USP25: variants seen among roughly 807,000 people sequenced by gnomAD.
USP25 encodes the protein ubiquitin carboxyl-terminal hydrolase 25.
A neutral mutation model predicts 158.5 loss-of-function variants in USP25; 85 were observed. That is an observed-to-expected ratio of 0.54 (90% CI 0.45 to 0.64). The LOEUF is 0.64. Ranked by LOEUF, USP25 falls within the 30% of genes least tolerant of loss-of-function variation. The pLI, the probability that USP25 is intolerant of heterozygous loss-of-function variation, is 0.00. For synonymous variants in USP25, 464 were observed against 460.4 expected, an observed-to-expected ratio of 1.01 and a Z score of -0.10; for missense variants, 1,242 against 1,327.3, an observed-to-expected ratio of 0.94 and a Z score of 1.00.
chr21:15,736,132 C>T (rs2031492573), intron 1 of USP25, among the ~76,000 whole-genome samples: 1 of 151,334 alleles, frequency 6.6e-6, no homozygotes, highest in African/African-American at 2.4e-5. Context: ...GGGTTTTGCT[C>T]TCTCACCCAA....
At chr21:15,853,764 G>A (rs1398318080) in intron 20 of USP25, among the ~76,000 whole-genome samples, 1 of 151,826 alleles carries the variant, frequency 6.6e-6, no homozygotes, top group East Asian at 1.9e-4. Flanking sequence ...GGTTATGTTA[G>A]CTTTGGTAAA....
chr21:15,767,911 A>G (rs1253194855), intron 3 of USP25, among the ~76,000 whole-genome samples: 1 of 152,126 alleles, frequency 6.6e-6, no homozygotes, highest in Non-Finnish European at 1.5e-5. Flanking sequence ...CATAAGGCAA[A>G]TGGTTACACC....
Position 15,827,138 on chromosome 21 carries a change from A to G in USP25, c.1628A>G (p.Glu543Gly). 1 of 1,614,228 alleles carries G rather than the reference A, an allele frequency of 6.2e-7. No individual in the cohort carries two copies. Among genetic ancestry groups the G allele is most frequent in the Non-Finnish European group, 8.5e-7 (1 of 1,180,038 alleles). ...MHPAPRHITE[E>G]ELSVLESCLH... is the part of the protein sequence containing the mutation. Reference sequence around the variant, plus strand: ...CCGGCACCAAGGCACATAACGGAGGAAGAACTTTCTGTGCTGGAAAGTTGT... The same window carrying G: ...CCGGCACCAAGGCACATAACGGAGGGAGAACTTTCTGTGCTGGAAAGTTGT... The change falls in exon 14 of 26, where the codon GAA (glutamate) becomes GGA (glycine). Residue 543 changes from glutamate (E) to glycine (G), a missense_variant. Glu to Gly is a moderately conservative substitution (Grantham distance 98). Transcript: ENST00000400183.
chr21:15,778,063 C>G (rs747071699), intron 4 of USP25, 36 bp downstream of exon 4: 8 of 1,500,360 alleles, frequency 5.3e-6, no homozygotes, highest in Non-Finnish European at 7.1e-6. Context: ...GATATAAGTA[C>G]TTTTAAAAAT....
At chr21:15,759,433 C>T (rs201946647) in intron 1 of USP25, among the ~76,000 whole-genome samples, 5,796 of 152,222 alleles carry the variant, frequency 0.038, 157 homozygotes, top group Middle Eastern at 0.13. Flanking sequence ...TGCTTTTATA[C>T]ATTTTAAGGA....
At chr21:15,863,190 G>T (rs112911185) in intron 20 of USP25, among the ~76,000 whole-genome samples, 1 of 151,578 alleles carries the variant, frequency 6.6e-6, no homozygotes, top group Non-Finnish European at 1.5e-5. Context: ...ATTTCTATAT[G>T]GTCAGATATT....
At chr21:15,742,312 ATGTGCTGGGGAGGGG>A (rs1391704974) in intron 1 of USP25, among the ~76,000 whole-genome samples, 4 of 152,048 alleles carry the variant, frequency 2.6e-5, no homozygotes, top group African/African-American at 9.7e-5. Context: ...AGTGGGATAG[ATGTGCTGGGGAGGGG>A]TGTGCAGAGA....
chr21:15,878,415 CTG>C lies in USP25; in HGVS notation c.3321_3322del (p.Cys1107Ter), dbSNP rs1294988955. On this transcript the variant is annotated frameshift_variant, in exon 26 of 26. Transcript: ENST00000400183. LOFTEE classifies it high-confidence loss of function. ...KLPSYSTHEL[C>X]ERFARIMLSL... ...TACCTTCATATTCCACGCATGAACT[CTG>C]TGAGCGATTTGCCCGAATCATGTTG... The C allele has an allele frequency of 1.2e-6, 2 of 1,613,954 alleles. No homozygotes were observed. The highest frequency in any genetic ancestry group is 1.7e-6 in the Non-Finnish European group (2 of 1,179,964).
intron 20 of USP25, among the ~76,000 whole-genome samples, chr21:15,854,693 A>T (rs1246697592): frequency 1.3e-5 from 2 of 152,206 alleles, no homozygotes; most frequent in Non-Finnish European, 2.9e-5. Context: ...AGGTCTGAGT[A>T]AGTGGACTTG....
At chr21:15,768,883 A>G (rs1432799159) in intron 3 of USP25, among the ~76,000 whole-genome samples, 2 of 152,118 alleles carry the variant, frequency 1.3e-5, no homozygotes, top group Non-Finnish European at 2.9e-5. Flanking sequence ...GCAGAAACAA[A>G]GTCATGCTAA....
At position 15,833,519 on chromosome 21, in the gene USP25, TGAGA is replaced by T; in HGVS notation, c.2169_2172del (p.Arg723SerfsTer6). On this transcript the variant is annotated frameshift_variant, in exon 17 of 26. Coordinates refer to ENST00000400183, the MANE Select transcript of USP25 (RefSeq NM_001283041.3). LOFTEE classifies it high-confidence loss of function. ...GAAAAGCTTTTAGCGTCTCAGAAATTGAGAGAGTCAGAGACTTCTGTGACAACAG... is the reference window on the plus strand; with the variant it reads ...GAAAAGCTTTTAGCGTCTCAGAAATTGAGTCAGAGACTTCTGTGACAACAG... The T allele has an allele frequency of 6.2e-7, 1 of 1,613,976 alleles. No homozygotes were observed. Among genetic ancestry groups the T allele is most frequent in the Non-Finnish European group, 8.5e-7 (1 of 1,179,954 alleles).
intron 4 of USP25, among the ~76,000 whole-genome samples, chr21:15,785,415 C>T (rs1265642167): frequency 6.6e-6 from 1 of 152,152 alleles, no homozygotes; most frequent in East Asian, 1.9e-4. Flanking sequence ...ACATTCTTTT[C>T]AACTGTGCAT....
intron 1 of USP25, among the ~76,000 whole-genome samples, chr21:15,755,988 G>C (rs892008228): frequency 3.9e-5 from 6 of 152,104 alleles, no homozygotes; most frequent in African/African-American, 1.4e-4. Flanking sequence ...AGAGATGGTG[G>C]CAATTTTTTG....
At chr21:15,820,937 A>G (rs115761394) in intron 10 of USP25, among the ~76,000 whole-genome samples, 1,538 of 152,138 alleles carry the variant, frequency 0.01, 22 homozygotes, top group African/African-American at 0.034. Context: ...CTAAGAGACA[A>G]CTGAATAAGT....
At chr21:15,805,354 A>C in intron 7 of USP25, 96 bp downstream of exon 7, 1 of 1,202,884 alleles carries the variant, frequency 8.3e-7, no homozygotes, top group Non-Finnish European at 1.1e-6. Context: ...TTTGAGATGC[A>C]TGATTCTGCT....
chr21:15,854,268 C>G (rs952002618), intron 20 of USP25, among the ~76,000 whole-genome samples: 1 of 152,086 alleles, frequency 6.6e-6, no homozygotes, highest in African/African-American at 2.4e-5. Context: ...GCCTCAGCCT[C>G]CTGAGTAGCT....
At chr21:15,744,024 A>G (rs1361066932) in intron 1 of USP25, 1 of 155,474 alleles carries the variant, frequency 6.4e-6, no homozygotes, top group East Asian at 1.9e-4. Context: ...CAGTGTTTCC[A>G]TTCTTGCTGG....
intron 17 of USP25, among the ~76,000 whole-genome samples, chr21:15,839,462 A>G (rs2038222724): frequency 1.3e-5 from 2 of 152,228 alleles, no homozygotes; most frequent in African/African-American, 2.4e-5. Flanking sequence ...CCTTCCATAC[A>G]GAACAACACA....
At chr21:15,733,192 G>A (rs1473128048) in intron 1 of USP25, among the ~76,000 whole-genome samples, 1 of 128,408 alleles carries the variant, frequency 7.8e-6, no homozygotes, top group African/African-American at 3.0e-5. Flanking sequence ...CTTTAGGGCA[G>A]TTATTATTGG....
Sources: allele counts gnomAD v4.1 joint callset (sites outside exome capture counted in the v4.1 genomes callset), GRCh38; gene constraint gnomAD v4.1.1; transcripts MANE v1.5; gene names NCBI Gene and HGNC (gene_info 2026-07-23, HGNC 2026-07-21).